The following TENT4B variants were observed in gnomAD, a reference collection of about 807,000 sequenced individuals.
The protein encoded by TENT4B is terminal nucleotidyltransferase 4B.
In TENT4B, 10 loss-of-function variants were observed where a neutral mutation model predicts 75.0. That is an observed-to-expected ratio of 0.13 (90% CI 0.08 to 0.23). TENT4B has a LOEUF of 0.23. Ranked by LOEUF, TENT4B falls within the 10% of genes least tolerant of loss-of-function variation. The probability of loss-of-function intolerance (pLI) is 1.00; values close to 1 mark genes in which losing one functional copy is unlikely to be tolerated. For missense variants in TENT4B, 579 were observed against 893.8 expected, an observed-to-expected ratio of 0.65 and a Z score of 4.49; for synonymous variants, 350 against 357.7, an observed-to-expected ratio of 0.98 and a Z score of 0.24.
intron 1 of TENT4B, among the ~76,000 whole-genome samples, chr16:50,207,248 C>G (rs2031033146): frequency 6.6e-6 from 1 of 152,212 alleles, no homozygotes; most frequent in East Asian, 1.9e-4. Flanking sequence ...GAGGCACAAT[C>G]TCAGCCCACT....
At chr16:50,201,925 A>T (rs1311191628) in intron 1 of TENT4B, among the ~76,000 whole-genome samples, 2 of 151,752 alleles carry the variant, frequency 1.3e-5, no homozygotes, top group East Asian at 3.9e-4. Context: ...GCTTGAGCTC[A>T]GGAGTTTGAG....
chr16:50,227,483 C>G (rs571119848), intron 10 of TENT4B, among the ~76,000 whole-genome samples: 2 of 151,810 alleles, frequency 1.3e-5, no homozygotes, highest in Non-Finnish European at 2.9e-5. Flanking sequence ...CCCCTTAAAC[C>G]CATCATCTTG....
intron 1 of TENT4B, among the ~76,000 whole-genome samples, chr16:50,167,915 C>T (rs1284481083): frequency 6.6e-6 from 1 of 152,050 alleles, no homozygotes; most frequent in Admixed American, 6.6e-5. Context: ...TCTCGGCCTC[C>T]CCAAGTGCTG....
chr16:50,192,642 T>C (rs1256906506), intron 1 of TENT4B, among the ~76,000 whole-genome samples: 1 of 152,198 alleles, frequency 6.6e-6, no homozygotes, highest in Admixed American at 6.5e-5. Context: ...GTGGTCTCTG[T>C]CTTAACTACA....
intron 1 of TENT4B, among the ~76,000 whole-genome samples, chr16:50,188,347 T>A (rs2038575317): frequency 6.6e-6 from 1 of 152,178 alleles, no homozygotes; most frequent in African/African-American, 2.4e-5. Context: ...GCCCTTCGCT[T>A]GGCATGTATA....
chr16:50,173,206 A>G (rs2038239393), intron 1 of TENT4B, among the ~76,000 whole-genome samples: 1 of 152,154 alleles, frequency 6.6e-6, no homozygotes, highest in Non-Finnish European at 1.5e-5. Flanking sequence ...GGCCTCCCAA[A>G]GTGCTGGGAT....
chr16:50,194,457 C>T (rs2030075228), intron 1 of TENT4B, among the ~76,000 whole-genome samples: 1 of 152,084 alleles, frequency 6.6e-6, no homozygotes, highest in African/African-American at 2.4e-5. Flanking sequence ...TCAGGCGATC[C>T]ACCCGCCTCT....
chr16:50,220,411 C>T (rs747445426), intron 5 of TENT4B, among the ~76,000 whole-genome samples: 50 of 151,630 alleles, frequency 3.3e-4, no homozygotes, highest in Non-Finnish European at 6.6e-4. Context: ...AACTCCTGGG[C>T]TCAAGCAGTC....
At chr16:50,157,715 T>A (rs544772313) in intron 1 of TENT4B, among the ~76,000 whole-genome samples, 6 of 152,124 alleles carry the variant, frequency 3.9e-5, no homozygotes, top group Admixed American at 6.6e-5. Flanking sequence ...TGCCTTGGCC[T>A]CCCAGTGTGC....
chr16:50,211,743 A>G (rs1377937252), intron 2 of TENT4B, among the ~76,000 whole-genome samples: 1 of 152,126 alleles, frequency 6.6e-6, no homozygotes, highest in African/African-American at 2.4e-5. Context: ...GACAAATCAA[A>G]CCTCATTGTT....
chr16:50,191,615 A>G (rs967544279), intron 1 of TENT4B, among the ~76,000 whole-genome samples: 1 of 152,124 alleles, frequency 6.6e-6, no homozygotes, highest in East Asian at 1.9e-4. Flanking sequence ...GCTAACACCA[A>G]GCCTTTAAAA....
chr16:50,160,378 G>A (rs1160917608), intron 1 of TENT4B, among the ~76,000 whole-genome samples: 2 of 152,096 alleles, frequency 1.3e-5, no homozygotes, highest in African/African-American at 4.8e-5. Context: ...GAAACGGTGA[G>A]TGACTTTTTG....
At position 50,230,120 on chromosome 16, in the gene TENT4B, T is replaced by C. The variant is rs1479223651; in HGVS notation, c.*792T>C. ...GGCAAATGATGTTTATTTTATTTTG[T>C]AAAAAAAAAAAAATGTACTATGTAC... On this transcript the variant is annotated 3_prime_UTR_variant, in exon 12 of 12. Coordinates refer to ENST00000561678, the MANE Select transcript of TENT4B (RefSeq NM_001365324.3). 1 of 441,496 alleles carries C rather than the reference T, an allele frequency of 2.3e-6. No homozygotes were observed. Among genetic ancestry groups the C allele is most frequent in the Admixed American group, 6.8e-5 (1 of 14,714 alleles). 27.3% of individuals were successfully genotyped at this position (441,496 alleles called of 1,614,324 possible). A position where few individuals can be genotyped will look rare whatever the true frequency, so the allele number is the denominator to read the frequency against.
At chr16:50,164,497 C>T (rs183025855) in intron 1 of TENT4B, among the ~76,000 whole-genome samples, 2 of 151,586 alleles carry the variant, frequency 1.3e-5, no homozygotes, top group East Asian at 2.0e-4. Context: ...TTAGTGGAGA[C>T]GAGGTTTCAC....
At chr16:50,182,918 T>TTTTTTTTTTTTTA (rs2038447896) in intron 1 of TENT4B, among the ~76,000 whole-genome samples, 1 of 140,716 alleles carries the variant, frequency 7.1e-6, no homozygotes, top group Admixed American at 7.2e-5. Context: ...TTTTTTTTTT[T>TTTTTTTTTTTTTA]TTTTGAGTTA....
chr16:50,153,008 G>A (rs1323079791), upstream of TENT4B: 1 of 1,516,928 alleles, frequency 6.6e-7, no homozygotes, highest in Non-Finnish European at 8.8e-7. Flanking sequence ...AGCCGCGCGC[G>A]CCTCAGAAGC....
chr16:50,223,503 T>C, intron 7 of TENT4B, 116 bp downstream of exon 7: 2 of 698,458 alleles, frequency 2.9e-6, no homozygotes, highest in Admixed American at 3.1e-5. Context: ...ATTGTTATTC[T>C]TTTTTCATCG....
chr16:50,159,622 G>A (rs375335070), intron 1 of TENT4B, among the ~76,000 whole-genome samples: 28 of 152,252 alleles, frequency 1.8e-4, no homozygotes, highest in South Asian at 6.2e-4. Flanking sequence ...GATTAAAGTA[G>A]ATTGAATATG....
At chr16:50,178,297 A>G (rs942473259) in intron 1 of TENT4B, among the ~76,000 whole-genome samples, 5 of 151,862 alleles carry the variant, frequency 3.3e-5, no homozygotes, top group East Asian at 3.9e-4. Context: ...TTGCACAACA[A>G]ATTTTTAAAA....
Sources: gnomAD v4.1 joint callset for allele counts (sites outside exome capture counted in the v4.1 genomes callset) on GRCh38, gnomAD v4.1.1 for gene constraint, MANE v1.5 for transcripts, NCBI Gene and HGNC (gene_info 2026-07-23, HGNC 2026-07-21) for gene names.